The following MAST4 variants were observed in gnomAD, a reference collection of about 807,000 sequenced individuals.
MAST4 encodes the protein microtubule-associated serine/threonine-protein kinase 4.
In MAST4, 89 loss-of-function variants were observed where a neutral mutation model predicts 162.7. That is an observed-to-expected ratio of 0.55 (90% CI 0.46 to 0.65). The LOEUF (loss-of-function observed/expected upper bound fraction) is 0.65, where lower values mean the gene tolerates loss of function less well. Among genes scored for constraint, MAST4 ranks in the 30% least tolerant of loss-of-function variants. The pLI is 0.00. For missense variants in MAST4, 3,153 were observed against 3,374.0 expected (o/e 0.93, Z 1.62); for synonymous variants, 1,479 against 1,361.1 (o/e 1.09, Z -1.91).
chr5:66,991,893 T>C (rs1241835699), intron 4 of MAST4, among the ~76,000 whole-genome samples: 1 of 152,214 alleles, frequency 6.6e-6, no homozygotes, highest in Non-Finnish European at 1.5e-5. Flanking sequence ...CCTGCTTTTT[T>C]CTGTGTGTTT....
At chr5:66,976,940 T>C (rs898925671) in intron 4 of MAST4, among the ~76,000 whole-genome samples, 18 of 152,142 alleles carry the variant, frequency 1.2e-4, no homozygotes, top group Non-Finnish European at 1.8e-4. Flanking sequence ...TTGATGATGA[T>C]TGGAAATATA....
At chr5:66,600,681 C>T (rs1397387592) in intron 1 of MAST4, among the ~76,000 whole-genome samples, 2 of 152,198 alleles carry the variant, frequency 1.3e-5, no homozygotes, top group African/African-American at 4.8e-5. Flanking sequence ...CTCTAGATCT[C>T]TTATCAAGAG....
intron 2 of MAST4, among the ~76,000 whole-genome samples, chr5:66,760,918 A>G (rs1333748822): frequency 6.6e-6 from 1 of 152,230 alleles, no homozygotes; most frequent in African/African-American, 2.4e-5. Flanking sequence ...TATGATTGGA[A>G]CATCACTAGT....
chr5:66,704,591 C>T (rs1267711126), intron 1 of MAST4, among the ~76,000 whole-genome samples: 1 of 147,680 alleles, frequency 6.8e-6, no homozygotes, highest in Non-Finnish European at 1.5e-5. Context: ...AGCTCTGCCT[C>T]CCGGGTTCAC....
intron 5 of MAST4, among the ~76,000 whole-genome samples, chr5:67,054,869 T>A (rs952459932): frequency 6.6e-6 from 1 of 152,212 alleles, no homozygotes; most frequent in Non-Finnish European, 1.5e-5. Context: ...AAATTGAACT[T>A]GTCTAATACA....
At chr5:66,926,575 T>C (rs1175713892) in intron 4 of MAST4, among the ~76,000 whole-genome samples, 5 of 151,408 alleles carry the variant, frequency 3.3e-5, no homozygotes, top group African/African-American at 7.3e-5. Flanking sequence ...TCTATATATA[T>C]ACACACACAC....
At chr5:67,028,038 T>A (rs935352750) in intron 4 of MAST4, among the ~76,000 whole-genome samples, 7 of 152,108 alleles carry the variant, frequency 4.6e-5, no homozygotes, top group African/African-American at 1.7e-4. Flanking sequence ...TGCTGTGGAG[T>A]TGGGTGTAGA....
chr5:67,124,485 T>C (rs1767968777), intron 14 of MAST4, among the ~76,000 whole-genome samples: 1 of 152,102 alleles, frequency 6.6e-6, no homozygotes, highest in South Asian at 2.1e-4. Context: ...AGAAAAGGTG[T>C]ATGTGAGAGA....
chr5:67,136,504 G>T, intron 18 of MAST4, 59 bp from the exon 19 acceptor site: 1 of 1,276,370 alleles, frequency 7.8e-7, no homozygotes, highest in Non-Finnish European at 1.1e-6. Context: ...TGTCCATGTT[G>T]CTGGGACCTG....
chr5:66,815,888 G>GGT (rs1374499686), intron 3 of MAST4, among the ~76,000 whole-genome samples: 2 of 152,144 alleles, frequency 1.3e-5, no homozygotes, highest in Non-Finnish European at 2.9e-5. Context: ...AGGGTTGTCA[G>GGT]GTAAAGTATG....
Position 67,164,264 on chromosome 5 carries a change from TGAG to T in MAST4, c.5088_5090del (p.Glu1696del). 6.2e-7 allele frequency: 1 copy of T among 1,614,022 alleles called. No individual in the cohort carries two copies. Among genetic ancestry groups the T allele is most frequent in the Non-Finnish European group, 8.5e-7 (1 of 1,179,894 alleles). On this transcript the variant is annotated inframe_deletion, in exon 29 of 29. Transcript: ENST00000403625. This position sits in a 1 kb window ranked among gnomAD's most constrained non-coding sequence, Gnocchi z 5.3. ...ATTACCTCCGAAAGAAAATGTCACT[TGAG>T]GACAAAGAGGACAACCTCTGCCCTG... is the stretch of plus-strand genomic sequence containing the variant.
intron 1 of MAST4, among the ~76,000 whole-genome samples, chr5:66,659,834 C>T (rs541526571): frequency 6.6e-6 from 1 of 152,186 alleles, no homozygotes; most frequent in Non-Finnish European, 1.5e-5. Context: ...AGGGGATGAC[C>T]TCACAAAGAG....
At position 67,134,537 on chromosome 5, in the gene MAST4, T is replaced by C; in HGVS notation, c.2241T>C (p.Pro747=). The change falls in exon 18 of 29, where the codon CCT becomes CCC. Residue 747 remains proline, a synonymous_variant. Transcript: ENST00000403625. The stretch of plus-strand genomic sequence containing the variant: ...TTATCTTTTAGGTCTGTGGCACACC[T>C]GAATACATTGCACCAGAAGTGATTC... ...EFLDKQVCGT[P]EYIAPEVILR... is the part of the protein sequence containing the mutation. 6.2e-7 allele frequency: 1 copy of C among 1,613,354 alleles called. No homozygotes were observed. The highest frequency in any genetic ancestry group is 1.1e-5 in the South Asian group (1 of 91,010).
chr5:66,709,108 G>A (rs988908055), intron 1 of MAST4, among the ~76,000 whole-genome samples: 3 of 152,008 alleles, frequency 2.0e-5, no homozygotes, highest in African/African-American at 7.2e-5. Context: ...GAAATATTCA[G>A]TGACATTAAT....
intron 11 of MAST4, 43 bp from the exon 12 acceptor site, chr5:67,114,043 AT>A (rs1561670636): frequency 6.2e-7 from 1 of 1,610,310 alleles, no homozygotes; most frequent in Middle Eastern, 1.7e-4. Flanking sequence ...ACCTCAGACA[AT>A]TTTGGCTCAA....
At chr5:66,712,976 T>C (rs546940867) in intron 1 of MAST4, among the ~76,000 whole-genome samples, 1 of 152,202 alleles carries the variant, frequency 6.6e-6, no homozygotes, top group Non-Finnish European at 1.5e-5. Flanking sequence ...ACAGTGTCAG[T>C]GGGATTCATC....
At chr5:66,916,871 A>T (rs111470909) in intron 4 of MAST4, 6 of 630,994 alleles carry the variant, frequency 9.5e-6, no homozygotes, top group African/African-American at 7.3e-5. Flanking sequence ...CTATTAACTG[A>T]CATTCTTGTT....
chr5:67,103,640 T>C (rs552564033), intron 9 of MAST4, among the ~76,000 whole-genome samples: 31 of 152,238 alleles, frequency 2.0e-4, no homozygotes, highest in Admixed American at 1.4e-3. Context: ...TTAGATTTAT[T>C]TTACCAAGGG....
chr5:66,941,328 A>G (rs1235898222), intron 4 of MAST4, among the ~76,000 whole-genome samples: 3 of 152,126 alleles, frequency 2.0e-5, no homozygotes, highest in African/African-American at 4.8e-5. Context: ...CATTGATAAC[A>G]TGTTGTTTAG....
Sources: allele counts gnomAD v4.1 joint callset (sites outside exome capture counted in the v4.1 genomes callset), GRCh38; gene constraint gnomAD v4.1.1; non-coding constraint Gnocchi (gnomAD v3.1); transcripts MANE v1.5; gene names NCBI Gene and HGNC (gene_info 2026-07-23, HGNC 2026-07-21).